The following GPC3 variants were observed in gnomAD, a reference collection of about 807,000 sequenced individuals.
The protein encoded by GPC3 is glypican-3.
In GPC3, 3 loss-of-function variants were observed where a neutral mutation model predicts 34.4. The observed-to-expected ratio is 0.09, with a 90% CI of 0.04 to 0.23. The LOEUF (loss-of-function observed/expected upper bound fraction) is 0.23, where lower values mean the gene tolerates loss of function less well. Among genes scored for constraint, GPC3 ranks in the 10% least tolerant of loss-of-function variants. The pLI, the probability that GPC3 is intolerant of heterozygous loss-of-function variation, is 1.00. For synonymous variants in GPC3, 177 were observed against 174.0 expected, an observed-to-expected ratio of 1.02 and a Z score of -0.13; for missense variants, 351 against 445.6, an observed-to-expected ratio of 0.79 and a Z score of 1.91.
At chrX:133,693,915 T>C (rs150149091) in intron 4 of GPC3, among the ~76,000 whole-genome samples, 127 of 110,807 alleles carry the variant, frequency 1.1e-3, no homozygotes, top group African/African-American at 4.0e-3. Context: ...ATTGGATTAG[T>C]TACCAGGAGA....
At chrX:133,760,100 C>A (rs2071772285) in intron 2 of GPC3, among the ~76,000 whole-genome samples, 1 of 111,990 alleles carries the variant, frequency 8.9e-6, no homozygotes, top group Non-Finnish European at 1.9e-5. Context: ...CATCACAAAG[C>A]CATTAGAATG....
intron 6 of GPC3, among the ~76,000 whole-genome samples, chrX:133,636,848 A>C (rs114377147): frequency 0.052 from 5,711 of 110,757 alleles, 393 homozygotes; most frequent in African/African-American, 0.18. Context: ...ATCTCCCCTC[A>C]CTATTCAGAT....
chrX:133,777,753 A>T (rs747201301), intron 2 of GPC3, among the ~76,000 whole-genome samples: 1 of 111,387 alleles, frequency 9.0e-6, no homozygotes. Flanking sequence ...AGAACTGTCA[A>T]TTCAGAGTTT....
At chrX:133,823,377 C>G (rs2075730420) in intron 2 of GPC3, among the ~76,000 whole-genome samples, 2 of 109,790 alleles carry the variant, frequency 1.8e-5, no homozygotes, top group African/African-American at 6.6e-5. Flanking sequence ...TAATTGAAAA[C>G]TAAGAGAATT....
At chrX:133,954,621 G>A (rs1248395143) in intron 1 of GPC3, among the ~76,000 whole-genome samples, 1 of 110,699 alleles carries the variant, frequency 9.0e-6, no homozygotes, top group Non-Finnish European at 1.9e-5. Context: ...GATGAGGAAG[G>A]TGAGTGTGAA....
chrX:133,637,268 T>C (rs2070436828), intron 6 of GPC3, among the ~76,000 whole-genome samples: 1 of 109,975 alleles, frequency 9.1e-6, no homozygotes, highest in Non-Finnish European at 1.9e-5. Context: ...AGGAGTTTGG[T>C]ACCAGCCTGG....
intron 2 of GPC3, among the ~76,000 whole-genome samples, chrX:133,906,344 G>A (rs2076167622): frequency 1.8e-5 from 2 of 111,981 alleles, no homozygotes; most frequent in African/African-American, 6.5e-5. Flanking sequence ...CTGTGAACAT[G>A]CCTTCTACAT....
chrX:133,572,360 A>T (rs939711898), intron 7 of GPC3, among the ~76,000 whole-genome samples: 2 of 111,735 alleles, frequency 1.8e-5, no homozygotes, highest in African/African-American at 6.5e-5. Context: ...AGGAAAATTT[A>T]TGGCTATGAT....
At chrX:133,555,984 A>C (rs2069485350) in intron 7 of GPC3, among the ~76,000 whole-genome samples, 1 of 109,132 alleles carries the variant, frequency 9.2e-6, no homozygotes, top group Admixed American at 9.7e-5. Context: ...CCACCCCCAG[A>C]TTCCTCCTCC....
intron 7 of GPC3, among the ~76,000 whole-genome samples, chrX:133,546,808 T>C (rs2069391065): frequency 8.9e-6 from 1 of 112,295 alleles, no homozygotes; most frequent in Non-Finnish European, 1.9e-5. Context: ...GATCCAGCAA[T>C]CCTACTGCTA....
chrX:133,842,466 C>T (rs1343330675), intron 2 of GPC3, among the ~76,000 whole-genome samples: 3 of 106,837 alleles, frequency 2.8e-5, no homozygotes, highest in African/African-American at 6.8e-5. Context: ...TAGTTCTGTC[C>T]CTCTAAGAGA....
intron 6 of GPC3, among the ~76,000 whole-genome samples, chrX:133,650,643 A>G (rs1187134145): frequency 1.8e-5 from 2 of 111,639 alleles, no homozygotes; most frequent in African/African-American, 3.3e-5. Context: ...CATTTAAACA[A>G]CACTCCAAAC....
intron 2 of GPC3, among the ~76,000 whole-genome samples, chrX:133,774,727 T>A (rs1342852931): frequency 9.0e-6 from 1 of 111,585 alleles, no homozygotes; most frequent in Non-Finnish European, 1.9e-5. Context: ...AAAATTCCCA[T>A]GTTATAGACA....
intron 7 of GPC3, among the ~76,000 whole-genome samples, chrX:133,542,457 G>A (rs1018249896): frequency 1.8e-5 from 2 of 111,513 alleles, no homozygotes; most frequent in African/African-American, 6.5e-5. Flanking sequence ...CTCTGAGGGT[G>A]TGGGCTTCAA....
chrX:133,583,716 T>TTGTTTCTCAGGGCAATCCA, intron 7 of GPC3, among the ~76,000 whole-genome samples: 1 of 112,147 alleles, frequency 8.9e-6, no homozygotes. Context: ...AGGAAGCTGA[T>TTGTTTCTCAGGGCAATCCA]TGTTTCTCAG....
At position 133,645,713 on chromosome X, in the gene GPC3, G is replaced by A. The variant is rs1483408571; in HGVS notation, c.1413+16017C>T. ...AGCGAGTCCCAGATAAATGCTACTT[G>A]GTCTTGATCACTGTCTTTCTCCAGG... On this transcript the variant is annotated intron_variant, in intron 6 of 7. Coordinates refer to ENST00000370818, the MANE Select transcript of GPC3 (RefSeq NM_004484.4). Among the ~76,000 whole-genome samples, 5 of 110,999 alleles carry A rather than the reference G, an allele frequency of 4.5e-5. No homozygotes were observed. The Admixed American group carries it at 4.8e-4, about 11-fold the overall frequency.
At chrX:133,750,732 T>G (rs753002946) in intron 3 of GPC3, among the ~76,000 whole-genome samples, 1 of 111,813 alleles carries the variant, frequency 8.9e-6, no homozygotes, top group Non-Finnish European at 1.9e-5. Context: ...ATCAAAACAG[T>G]GCGCTTAATT....
intron 2 of GPC3, among the ~76,000 whole-genome samples, chrX:133,791,402 A>G (rs1283582377): frequency 3.6e-5 from 4 of 111,871 alleles, no homozygotes; most frequent in East Asian, 2.8e-4. Flanking sequence ...TGCCAGGCAC[A>G]TGCATTTAGA....
At chrX:133,927,732 C>T (rs1034571950) in intron 2 of GPC3, among the ~76,000 whole-genome samples, 1 of 109,746 alleles carries the variant, frequency 9.1e-6, no homozygotes, top group South Asian at 4.0e-4. Flanking sequence ...TCTGCCACAG[C>T]CTCCCAAAGT....
Sources: allele counts gnomAD v4.1 joint callset (sites outside exome capture counted in the v4.1 genomes callset), GRCh38; gene constraint gnomAD v4.1.1; transcripts MANE v1.5; gene names NCBI Gene and HGNC (gene_info 2026-07-23, HGNC 2026-07-21).